Variants in CDC123 observed in about 807,000 individuals in gnomAD.
CDC123 encodes cell division cycle 123.
A neutral mutation model predicts 54.4 loss-of-function variants in CDC123; 37 were observed. The observed-to-expected ratio is 0.68, with a 90% CI of 0.52 to 0.89. The LOEUF (loss-of-function observed/expected upper bound fraction) is 0.89. Ranked by LOEUF, CDC123 falls within the 40% of genes least tolerant of loss-of-function variation. The probability of loss-of-function intolerance (pLI) is 0.00; values close to 1 mark genes in which losing one functional copy is unlikely to be tolerated. For synonymous variants in CDC123, 144 were observed against 136.8 expected (o/e 1.05, Z -0.37); for missense variants, 361 against 412.1 (o/e 0.88, Z 1.07).
intron 6 of CDC123, among the ~76,000 whole-genome samples, chr10:12,219,055 C>A (rs1478677804): frequency 6.6e-6 from 1 of 152,180 alleles, no homozygotes; most frequent in Non-Finnish European, 1.5e-5. Flanking sequence ...CCACTTCCGC[C>A]CTGTCCAGTT....
chr10:12,250,012 G>T, intron 12 of CDC123: 1 of 479,776 alleles, frequency 2.1e-6, no homozygotes, highest in Non-Finnish European at 3.6e-6. Context: ...TGTAAGGAGA[G>T]CAGGTCTCTG....
At chr10:12,236,578 A>G (rs760546123) in intron 8 of CDC123, among the ~76,000 whole-genome samples, 1 of 151,786 alleles carries the variant, frequency 6.6e-6, no homozygotes, top group Non-Finnish European at 1.5e-5. Flanking sequence ...CAGCCTGGGC[A>G]ACAGAATGAG....
At chr10:12,248,021 G>T (rs1169192206) in intron 11 of CDC123, among the ~76,000 whole-genome samples, 1 of 151,830 alleles carries the variant, frequency 6.6e-6, no homozygotes, top group Admixed American at 6.6e-5. Context: ...AAAGTAACGT[G>T]CTCATTCTTA....
intron 2 of CDC123, among the ~76,000 whole-genome samples, chr10:12,207,736 G>A (rs1340823407): frequency 1.3e-5 from 2 of 152,146 alleles, no homozygotes; most frequent in Non-Finnish European, 2.9e-5. Flanking sequence ...ACTAGGGGTC[G>A]CAGTGTTCAG....
chr10:12,197,870 T>C (rs531456355), intron 1 of CDC123, among the ~76,000 whole-genome samples: 15 of 152,244 alleles, frequency 9.9e-5, no homozygotes, highest in African/African-American at 2.6e-4. Flanking sequence ...AAAAAACCAT[T>C]TGTAATGTGC....
At chr10:12,216,004 C>T (rs1480768451) in intron 5 of CDC123, among the ~76,000 whole-genome samples, 169 bp downstream of exon 5, 1 of 152,118 alleles carries the variant, frequency 6.6e-6, no homozygotes, top group Non-Finnish European at 1.5e-5. Context: ...TTTTGCTATA[C>T]ACTTGCCTGG....
In CDC123 at chr10:12,237,139, G is replaced by C; in HGVS notation, c.566-5G>C. Reference sequence around the variant, plus strand: ...ATAACAGGATGTAAAATATTTTCTTGTCAGGTATTTCTCAAAGAGACTACA... The same window carrying C: ...ATAACAGGATGTAAAATATTTTCTTCTCAGGTATTTCTCAAAGAGACTACA... On this transcript the variant is annotated splice_region_variant and splice_polypyrimidine_tract_variant and intron_variant, in intron 8 of 12. Coordinates refer to ENST00000281141, the MANE Select transcript of CDC123 (RefSeq NM_006023.3). 6.6e-7 allele frequency: 1 copy of C among 1,521,452 alleles called. No homozygotes were observed. 94.2% of individuals were successfully genotyped at this position (1,521,452 alleles called of 1,614,324 possible).
chr10:12,244,379 A>G (rs959094580), intron 10 of CDC123, among the ~76,000 whole-genome samples: 2 of 152,268 alleles, frequency 1.3e-5, no homozygotes, highest in African/African-American at 4.8e-5. Context: ...CTTTCGAGGA[A>G]ACATCCATCC....
intron 3 of CDC123, 53 bp downstream of exon 3, chr10:12,210,077 C>G: frequency 6.4e-7 from 1 of 1,572,018 alleles, no homozygotes; most frequent in Non-Finnish European, 8.8e-7. Flanking sequence ...TTTAAATGAT[C>G]TCTGAGATGG....
intron 2 of CDC123, among the ~76,000 whole-genome samples, chr10:12,202,547 C>T (rs898908636): frequency 6.6e-5 from 10 of 152,176 alleles, no homozygotes; most frequent in African/African-American, 1.4e-4. Context: ...GGTTGAGGCT[C>T]AGTCTCACAA....
intron 5 of CDC123, among the ~76,000 whole-genome samples, chr10:12,216,913 G>A (rs1032315707): frequency 6.6e-6 from 1 of 152,132 alleles, no homozygotes; most frequent in Non-Finnish European, 1.5e-5. Context: ...ATAGACGTGG[G>A]GTGTAACTGC....
chr10:12,214,022 A>G (rs142302223), intron 4 of CDC123, among the ~76,000 whole-genome samples: 283 of 152,344 alleles, frequency 1.9e-3, no homozygotes, highest in African/African-American at 6.3e-3. Context: ...GTATGTAAAC[A>G]GTACATAGTC....
intron 5 of CDC123, 124 bp from the exon 6 acceptor site, chr10:12,217,237 A>T (rs1835675016): frequency 3.4e-6 from 3 of 893,326 alleles, no homozygotes; most frequent in Non-Finnish European, 4.9e-6. Flanking sequence ...GTACTGCTTA[A>T]ATTTACTTGA....
chr10:12,199,132 G>T (rs1292943999), intron 2 of CDC123, among the ~76,000 whole-genome samples: 3 of 152,116 alleles, frequency 2.0e-5, no homozygotes, highest in African/African-American at 7.2e-5. Flanking sequence ...TTGCAAACAG[G>T]CTTTATCATC....
chr10:12,243,783 CAAA>C (rs1236310764), intron 10 of CDC123, among the ~76,000 whole-genome samples: 8 of 79,500 alleles, frequency 1.0e-4, no homozygotes, highest in Admixed American at 1.4e-4. Flanking sequence ...GACTCCATCT[CAAA>C]AAAAAAAAAA....
At chr10:12,242,903 CTG>C (rs1452981411) in intron 10 of CDC123, among the ~76,000 whole-genome samples, 1 of 151,838 alleles carries the variant, frequency 6.6e-6, no homozygotes, top group African/African-American at 2.4e-5. Context: ...GATCGCGCGA[CTG>C]TACTCCAGCC....
chr10:12,249,853 A>G, intron 12 of CDC123, 135 bp downstream of exon 12: 1 of 1,152,860 alleles, frequency 8.7e-7, no homozygotes, highest in Non-Finnish European at 1.2e-6. Flanking sequence ...TTACTGAGTT[A>G]GAGCATTTTC....
chr10:12,234,909 C>T (rs1002733828), intron 7 of CDC123, 139 bp from the exon 8 acceptor site: 14 of 604,286 alleles, frequency 2.3e-5, no homozygotes, highest in African/African-American at 1.7e-4. Flanking sequence ...CCATCATGCC[C>T]GGCCAAGAAT....
At chr10:12,217,539 T>C in intron 6 of CDC123, 72 bp downstream of exon 6, 1 of 1,466,122 alleles carries the variant, frequency 6.8e-7, no homozygotes. Context: ...TGAAATTCCA[T>C]TACTTATAGT....
Sources: gnomAD v4.1 joint callset for allele counts (sites outside exome capture counted in the v4.1 genomes callset) on GRCh38, gnomAD v4.1.1 for gene constraint, MANE v1.5 for transcripts, NCBI Gene and HGNC (gene_info 2026-07-23, HGNC 2026-07-21) for gene names.